ARHGAP24: variants seen among roughly 807,000 people sequenced by gnomAD.
ARHGAP24 encodes the protein Rho GTPase activating protein 24, also known as rho GTPase-activating protein 24.
In ARHGAP24, 50 loss-of-function variants were observed where a neutral mutation model predicts 76.4. The ratio of observed to expected loss-of-function variants is 0.65; its 90% CI spans 0.52 to 0.83. The LOEUF (loss-of-function observed/expected upper bound fraction) is 0.83. ARHGAP24 is among the 40% of genes least tolerant of loss of function. The pLI, the probability that ARHGAP24 is intolerant of heterozygous loss-of-function variation, is 0.00. For missense variants in ARHGAP24, 930 were observed against 914.2 expected (o/e 1.02, Z -0.22); for synonymous variants, 345 against 323.3 (o/e 1.07, Z -0.72).
chr4:85,747,245 A>G (rs953202561), intron 3 of ARHGAP24, among the ~76,000 whole-genome samples: 14 of 152,234 alleles, frequency 9.2e-5, no homozygotes, highest in African/African-American at 3.4e-4. Context: ...AAATGTGATC[A>G]TATTAAAATA....
intron 1 of ARHGAP24, among the ~76,000 whole-genome samples, chr4:85,539,222 G>T (rs1301095483): frequency 6.6e-6 from 1 of 152,108 alleles, no homozygotes; most frequent in East Asian, 1.9e-4. Flanking sequence ...AGATAAAATG[G>T]TTTCCTATAT....
chr4:85,623,315 G>T (rs1720793097), intron 2 of ARHGAP24, among the ~76,000 whole-genome samples: 1 of 152,084 alleles, frequency 6.6e-6, no homozygotes, highest in East Asian at 1.9e-4. Context: ...TTCTACATAT[G>T]GCTAGCCAGT....
intron 2 of ARHGAP24, among the ~76,000 whole-genome samples, chr4:85,594,331 T>C (rs187078396): frequency 1.1e-4 from 16 of 152,146 alleles, no homozygotes; most frequent in Non-Finnish European, 1.5e-5. Flanking sequence ...ATTTGTTTAT[T>C]AGTTCTGATA....
At chr4:85,479,086 C>A (rs372399286) in intron 1 of ARHGAP24, among the ~76,000 whole-genome samples, 1 of 152,084 alleles carries the variant, frequency 6.6e-6, no homozygotes, top group South Asian at 2.1e-4. Flanking sequence ...AATACTGGTG[C>A]ACTCCAACTT....
At chr4:85,703,882 A>G (rs1020953834) in intron 2 of ARHGAP24, among the ~76,000 whole-genome samples, 4 of 152,190 alleles carry the variant, frequency 2.6e-5, no homozygotes, top group Admixed American at 1.3e-4. Context: ...ATCAAACTAT[A>G]GAACAGTTAT....
intron 3 of ARHGAP24, among the ~76,000 whole-genome samples, chr4:85,882,079 G>T (rs1000713149): frequency 1.3e-5 from 2 of 152,126 alleles, no homozygotes; most frequent in African/African-American, 2.4e-5. Context: ...TCCAATTTCA[G>T]GGATTGTATT....
In ARHGAP24 at chr4:85,974,952, A is replaced by G. The variant is rs1040492488; in HGVS notation, c.797A>G (p.Tyr266Cys). Residue 266 changes from tyrosine to cysteine, a missense_variant, in exon 7 of 10, where the codon TAT becomes TGT. Coordinates refer to ENST00000395184, the MANE Select transcript of ARHGAP24 (RefSeq NM_001025616.3). ...LPVVNYNLLK[Y>C]ICRFLDEVQS... ...GTGGTAAATTACAACCTCCTCAAGT[A>G]TATTTGCAGGTAAGAACTGTCCTAA... The G allele has an allele frequency of 4.3e-6, 7 of 1,613,634 alleles. No individual in the cohort carries two copies. In the African/African-American group the frequency reaches 9.3e-5, roughly 22 times the overall value.
chr4:85,528,923 C>T (rs192458790), intron 1 of ARHGAP24, among the ~76,000 whole-genome samples: 7 of 152,072 alleles, frequency 4.6e-5, no homozygotes, highest in Admixed American at 1.3e-4. Context: ...ATCATCTTGA[C>T]TACTCTTGAG....
At chr4:85,565,753 C>T (rs1726816055) in intron 1 of ARHGAP24, among the ~76,000 whole-genome samples, 1 of 152,198 alleles carries the variant, frequency 6.6e-6, no homozygotes, top group Non-Finnish European at 1.5e-5. Context: ...ATTTCAAATA[C>T]ATTGCAACTC....
chr4:85,993,187 A>G (rs1400642518), intron 8 of ARHGAP24, among the ~76,000 whole-genome samples: 1 of 152,156 alleles, frequency 6.6e-6, no homozygotes, highest in Non-Finnish European at 1.5e-5. Context: ...ATTCTGATTC[A>G]GAAGCTCTGC....
intron 3 of ARHGAP24, among the ~76,000 whole-genome samples, chr4:85,894,975 AAAAAAAAAAAAAACAAAACAAAAAGC>A (rs1560701566): frequency 5.5e-4 from 20 of 36,682 alleles, no homozygotes; most frequent in Non-Finnish European, 9.3e-4. Flanking sequence ...AAAAAAAAAA[AAAAAAAAAAAAAACAAAACAAAAAGC>A]AAAAAAAAAA....
In ARHGAP24 at chr4:85,999,873, A is replaced by C. The variant is rs185765596; in HGVS notation, c.2004-606A>C. 2.0e-5 allele frequency: 3 copies of C among 152,474 alleles called. No homozygotes were observed. The East Asian group carries it at 5.8e-4, about 29-fold the overall frequency. 9.4% of individuals were successfully genotyped at this position (152,474 alleles called of 1,614,324 possible). On this transcript the variant is annotated intron_variant, in intron 9 of 9. Transcript: ENST00000395184. ...TTGGGGATGGAAAGGAATGGGCTTTATTTTTACAAAATATGAGATGCAGTG... is the reference window on the plus strand; with the variant it reads ...TTGGGGATGGAAAGGAATGGGCTTTCTTTTTACAAAATATGAGATGCAGTG...
intron 3 of ARHGAP24, among the ~76,000 whole-genome samples, chr4:85,803,957 T>TC (rs1728684441): frequency 1.3e-5 from 2 of 151,626 alleles, no homozygotes; most frequent in Admixed American, 1.3e-4. Context: ...TCTTTTTCTT[T>TC]TTTTTTTTCC....
chr4:85,968,464 T>C (rs1353237758), intron 5 of ARHGAP24, among the ~76,000 whole-genome samples: 1 of 152,176 alleles, frequency 6.6e-6, no homozygotes, highest in Non-Finnish European at 1.5e-5. Context: ...ATTATTGATA[T>C]CTAATTAATT....
At chr4:85,884,416 G>A (rs1028799738) in intron 3 of ARHGAP24, among the ~76,000 whole-genome samples, 1 of 152,158 alleles carries the variant, frequency 6.6e-6, no homozygotes, top group Admixed American at 6.6e-5. Context: ...TGTTGTGAGG[G>A]GACAAGGGGG....
intron 2 of ARHGAP24, among the ~76,000 whole-genome samples, chr4:85,605,983 T>C (rs1720179476): frequency 6.6e-6 from 1 of 152,204 alleles, no homozygotes; most frequent in Admixed American, 6.5e-5. Context: ...CTGATTCTCT[T>C]TGGAACCCCC....
intron 2 of ARHGAP24, among the ~76,000 whole-genome samples, chr4:85,590,176 GCCTGCCTGCCTGCCTGCCTTCCTT>G (rs1186011815): frequency 3.1e-5 from 3 of 97,050 alleles, no homozygotes; most frequent in Non-Finnish European, 4.0e-5. Context: ...CTGCCTGCCT[GCCTGCCTGCCTGCCTGCCTTCCTT>G]CCTTCCTTCC....
At chr4:85,662,133 A>G (rs954388070) in intron 2 of ARHGAP24, among the ~76,000 whole-genome samples, 3 of 152,232 alleles carry the variant, frequency 2.0e-5, no homozygotes, top group Admixed American at 6.5e-5. Flanking sequence ...AGTCCCACCA[A>G]CAGTGTAAAA....
chr4:85,510,644 C>T (rs1226567174), intron 1 of ARHGAP24, among the ~76,000 whole-genome samples: 1 of 149,786 alleles, frequency 6.7e-6, no homozygotes, highest in Non-Finnish European at 1.5e-5. Context: ...CCAGGTTCTC[C>T]AGGAGCCTCC....
Sources: gnomAD v4.1 joint callset for allele counts (sites outside exome capture counted in the v4.1 genomes callset) on GRCh38, gnomAD v4.1.1 for gene constraint, MANE v1.5 for transcripts, NCBI Gene and HGNC (gene_info 2026-07-23, HGNC 2026-07-21) for gene names.